The following SV2C variants were observed in gnomAD, a reference collection of about 807,000 sequenced individuals.
SV2C encodes the protein synaptic vesicle glycoprotein 2C.
Under a neutral mutation model 79.7 loss-of-function variants are expected in SV2C, and 49 were observed. That is an observed-to-expected ratio of 0.61 (90% confidence interval 0.49 to 0.78). The LOEUF is 0.78. SV2C is among the 30% of genes least tolerant of loss of function. The pLI is 0.00. For missense variants in SV2C, 833 were observed against 912.9 expected (o/e 0.91, Z 1.13); for synonymous variants, 334 against 333.2 (o/e 1.00, Z -0.03).
intron 4 of SV2C, among the ~76,000 whole-genome samples, chr5:76,211,657 C>T (rs1561266202): frequency 6.6e-6 from 1 of 152,174 alleles, no homozygotes; most frequent in Non-Finnish European, 1.5e-5. Flanking sequence ...TTTTATTTCT[C>T]TGCTTTTGTT....
the SV2C span, among the ~76,000 whole-genome samples, chr5:75,976,810 CTA>C: frequency 6.6e-6 from 1 of 152,054 alleles, no homozygotes; most frequent in East Asian, 1.9e-4. Context: ...GATAAAAATC[CTA>C]TGTTTCCAAC....
chr5:75,989,317 T>C, the SV2C span, among the ~76,000 whole-genome samples: 4 of 151,798 alleles, frequency 2.6e-5, no homozygotes, highest in Admixed American at 6.6e-5. Flanking sequence ...CTCGACTCTG[T>C]GACAGGCCCC....
the SV2C span, among the ~76,000 whole-genome samples, chr5:76,009,991 G>GT: frequency 6.7e-3 from 750 of 112,570 alleles, 7 homozygotes; most frequent in South Asian, 0.035. Context: ...TATCTATTTT[G>GT]TTTTTTTTTT....
the SV2C span, among the ~76,000 whole-genome samples, chr5:75,850,073 C>G: frequency 2.0e-5 from 3 of 151,960 alleles, no homozygotes; most frequent in African/African-American, 7.3e-5. Flanking sequence ...CTGTTTAATT[C>G]TGTTTTCCTT....
At chr5:76,071,762 G>A in the SV2C span, among the ~76,000 whole-genome samples, 1 of 152,208 alleles carries the variant, frequency 6.6e-6, no homozygotes, top group Admixed American at 6.5e-5. Flanking sequence ...AAATAGAAAA[G>A]CTGAGTGTTA....
the SV2C span, among the ~76,000 whole-genome samples, chr5:75,947,733 ATATAACCCCTTATTAATG>A: frequency 5.3e-5 from 8 of 152,192 alleles, no homozygotes; most frequent in African/African-American, 9.6e-5. Flanking sequence ...CATGTCTCAA[ATATAACCCCTTATTAATG>A]TATAACCCCT....
intron 4 of SV2C, among the ~76,000 whole-genome samples, chr5:76,244,434 T>C (rs1745886249): frequency 6.6e-6 from 1 of 152,218 alleles, no homozygotes; most frequent in African/African-American, 2.4e-5. Context: ...ACAAATGTAA[T>C]TTAAAATTTC....
At chr5:75,955,564 G>A in the SV2C span, among the ~76,000 whole-genome samples, 11,605 of 144,884 alleles carry the variant, frequency 0.08, 1,312 homozygotes, top group African/African-American at 0.26. Flanking sequence ...TTAAACTAAA[G>A]AGCTTCTGCA....
At chr5:76,256,009 T>A (rs1746253541) in intron 4 of SV2C, among the ~76,000 whole-genome samples, 1 of 152,328 alleles carries the variant, frequency 6.6e-6, no homozygotes, top group South Asian at 2.1e-4. Flanking sequence ...ATGTGCTAGG[T>A]TGTTTTTATG....
At chr5:75,971,851 AG>A in the SV2C span, among the ~76,000 whole-genome samples, 1 of 152,104 alleles carries the variant, frequency 6.6e-6, no homozygotes, top group Non-Finnish European at 1.5e-5. Flanking sequence ...GAACCAAAAA[AG>A]AGCCCACATT....
At chr5:76,226,718 G>A (rs149122474) in intron 4 of SV2C, among the ~76,000 whole-genome samples, 1,695 of 152,264 alleles carry the variant, frequency 0.011, 40 homozygotes, top group African/African-American at 0.038. Context: ...CAGAACACAC[G>A]TGCAGGTCAG....
chr5:76,073,503 G>GTATGTGTATATATATATA, the SV2C span, among the ~76,000 whole-genome samples: 2 of 67,412 alleles, frequency 3.0e-5, no homozygotes, highest in African/African-American at 1.3e-4. Flanking sequence ...GTATGTGTGT[G>GTATGTGTATATATATATA]TATATATATA....
At chr5:76,250,601 G>T (rs967624210) in intron 4 of SV2C, among the ~76,000 whole-genome samples, 1 of 152,202 alleles carries the variant, frequency 6.6e-6, no homozygotes, top group Non-Finnish European at 1.5e-5. Context: ...AGTCATAATG[G>T]ATTGGGGTTC....
At chr5:75,989,535 G>T in the SV2C span, among the ~76,000 whole-genome samples, 1 of 151,958 alleles carries the variant, frequency 6.6e-6, no homozygotes, top group Non-Finnish European at 1.5e-5. Context: ...GTCTATCATT[G>T]TTGGGCATTC....
the SV2C span, among the ~76,000 whole-genome samples, chr5:76,053,651 T>G: frequency 6.6e-6 from 1 of 152,162 alleles, no homozygotes; most frequent in Non-Finnish European, 1.5e-5. Flanking sequence ...TCCATGGTGT[T>G]TTTTGTTTGG....
At chr5:75,855,986 CTCCATGAG>C in the SV2C span, among the ~76,000 whole-genome samples, 271 of 152,268 alleles carry the variant, frequency 1.8e-3, 2 homozygotes, top group African/African-American at 5.9e-3. Context: ...TACTCTCTAT[CTCCATGAG>C]TTCAATTGCT....
intron 2 of SV2C, among the ~76,000 whole-genome samples, chr5:76,151,651 C>A (rs1364349812): frequency 2.6e-5 from 4 of 152,194 alleles, no homozygotes; most frequent in African/African-American, 9.6e-5. Flanking sequence ...GACCTCCAGA[C>A]CAGGCGTTAT....
chr5:76,050,572 C>T, the SV2C span, among the ~76,000 whole-genome samples: 6 of 150,732 alleles, frequency 4.0e-5, no homozygotes, highest in Non-Finnish European at 8.9e-5. Context: ...AATTCTTGAT[C>T]TCTCTCTCTC....
At chr5:76,243,012 TAAAAAAAAAAAAAA>T (rs559052290) in intron 4 of SV2C, among the ~76,000 whole-genome samples, 21 of 49,924 alleles carry the variant, frequency 4.2e-4, no homozygotes, top group South Asian at 1.5e-3. Context: ...AGACCCCATC[TAAAAAAAAAAAAAA>T]AAAAAAAAAA....
Sources: gnomAD v4.1 joint callset for allele counts (sites outside exome capture counted in the v4.1 genomes callset) on GRCh38, gnomAD v4.1.1 for gene constraint, MANE v1.5 for transcripts, NCBI Gene and HGNC (gene_info 2026-07-23, HGNC 2026-07-21) for gene names.